EDN1: variants seen among roughly 807,000 people sequenced by gnomAD.
The protein encoded by EDN1 is endothelin-1.
Under a neutral mutation model 21.7 loss-of-function variants are expected in EDN1, and 11 were observed. The ratio of observed to expected loss-of-function variants is 0.51; its 90% CI spans 0.32 to 0.84. The LOEUF (loss-of-function observed/expected upper bound fraction) is 0.84, where lower values mean the gene tolerates loss of function less well. EDN1 is among the 40% of genes least tolerant of loss of function. The pLI is 0.03. For missense variants in EDN1, 244 were observed against 262.3 expected (o/e 0.93, Z 0.48); for synonymous variants, 85 against 90.6 (o/e 0.94, Z 0.35).
chr6:12,269,196 A>G, the EDN1 span, among the ~76,000 whole-genome samples: 3 of 152,114 alleles, frequency 2.0e-5, no homozygotes, highest in Admixed American at 2.0e-4. Context: ...CTGAAACTTA[A>G]ATGAATTAGT....
the EDN1 span, among the ~76,000 whole-genome samples, chr6:12,285,264 C>T: frequency 4.6e-5 from 7 of 152,150 alleles, no homozygotes; most frequent in African/African-American, 1.7e-4. Flanking sequence ...TAAAAGATAA[C>T]TGCTGCAGCA....
At chr6:12,255,934 A>G in the EDN1 span, among the ~76,000 whole-genome samples, 53 of 152,212 alleles carry the variant, frequency 3.5e-4, no homozygotes, top group Non-Finnish European at 6.8e-4. Context: ...CCAGGTTGTT[A>G]CAAGGTACAC....
At chr6:12,247,864 C>T in the EDN1 span, among the ~76,000 whole-genome samples, 1 of 152,022 alleles carries the variant, frequency 6.6e-6, no homozygotes, top group African/African-American at 2.4e-5. Flanking sequence ...TATTTACATC[C>T]TTCTTATAGA....
the EDN1 span, among the ~76,000 whole-genome samples, chr6:12,232,226 AT>A: frequency 2.0e-5 from 3 of 147,666 alleles, no homozygotes; most frequent in Admixed American, 6.8e-5. Context: ...ATATGTTATA[AT>A]TTTATATAAT....
chr6:12,287,264 C>A (rs79307642), upstream of EDN1, among the ~76,000 whole-genome samples: 14 of 146,868 alleles, frequency 9.5e-5, no homozygotes, highest in African/African-American at 3.3e-4. Flanking sequence ...GGAGCATTTT[C>A]CCCCTGCAGT....
upstream of EDN1, among the ~76,000 whole-genome samples, chr6:12,289,900 C>T (rs1762629700): frequency 6.6e-6 from 1 of 152,160 alleles, no homozygotes; most frequent in Admixed American, 6.5e-5. Context: ...CCTTGTTTGA[C>T]TGAGACTAGA....
At chr6:12,235,320 C>T in the EDN1 span, among the ~76,000 whole-genome samples, 1 of 152,196 alleles carries the variant, frequency 6.6e-6, no homozygotes, top group Non-Finnish European at 1.5e-5. Flanking sequence ...TCCACTGAAT[C>T]TGCTGCTAAT....
the EDN1 span, among the ~76,000 whole-genome samples, chr6:12,262,031 T>A: frequency 1.3e-5 from 2 of 151,422 alleles, no homozygotes; most frequent in African/African-American, 4.9e-5. Context: ...GCATTTCAAA[T>A]GAAACTTCGG....
chr6:12,277,959 C>T, the EDN1 span, among the ~76,000 whole-genome samples: 2 of 152,048 alleles, frequency 1.3e-5, no homozygotes, highest in Non-Finnish European at 2.9e-5. Flanking sequence ...TTTTTGGACT[C>T]GATAATCTGG....
At chr6:12,262,786 C>T in the EDN1 span, among the ~76,000 whole-genome samples, 1 of 150,908 alleles carries the variant, frequency 6.6e-6, no homozygotes, top group Admixed American at 6.6e-5. Flanking sequence ...GCAAGAGAAT[C>T]GCTTAAACCT....
rs114899183 is a variant in EDN1, at chr6:12,294,741, C to G, written c.533+337C>G. On this transcript the variant is annotated intron_variant, in intron 4 of 4. Transcript: ENST00000379375. ...TTGCCTCTCTGAGTCAATGTATTTA[C>G]CACTTTCCCTGAGAAATCGAAAATC... 3.8e-3 allele frequency among the ~76,000 whole-genome samples: 582 copies of G among 152,182 alleles called. 3 individuals carry two copies. The highest frequency in any genetic ancestry group is 0.012 in the African/African-American group (480 of 41,514).
the EDN1 span, among the ~76,000 whole-genome samples, chr6:12,282,060 A>T: frequency 6.6e-6 from 1 of 152,196 alleles, no homozygotes; most frequent in African/African-American, 2.4e-5. Context: ...ATAGGAAAAA[A>T]TGCTAACCAG....
chr6:12,276,781 T>A, the EDN1 span, among the ~76,000 whole-genome samples: 1 of 152,194 alleles, frequency 6.6e-6, no homozygotes, highest in Admixed American at 6.5e-5. Flanking sequence ...AGGCTCCTGC[T>A]CAAACACCAA....
the EDN1 span, among the ~76,000 whole-genome samples, chr6:12,260,271 G>A: frequency 6.6e-6 from 1 of 152,110 alleles, no homozygotes; most frequent in East Asian, 1.9e-4. Context: ...AATTGGTGAA[G>A]ACTTCAAATA....
chr6:12,243,110 A>G, the EDN1 span, among the ~76,000 whole-genome samples: 4 of 152,232 alleles, frequency 2.6e-5, no homozygotes, highest in African/African-American at 7.2e-5. Flanking sequence ...TAAACAGCCA[A>G]TTAACACCCA....
upstream of EDN1, among the ~76,000 whole-genome samples, chr6:12,287,773 C>CGA (rs1762586666): frequency 2.0e-5 from 3 of 151,224 alleles, no homozygotes; most frequent in African/African-American, 4.9e-5. Flanking sequence ...CGCGCGCGCG[C>CGA]AGGCACACGT....
chr6:12,253,058 A>G, the EDN1 span, among the ~76,000 whole-genome samples: 4 of 152,308 alleles, frequency 2.6e-5, no homozygotes, highest in East Asian at 7.7e-4. Context: ...ACTATAATCT[A>G]TGTTTATTCT....
chr6:12,253,075 C>G, the EDN1 span, among the ~76,000 whole-genome samples: 1 of 152,042 alleles, frequency 6.6e-6, no homozygotes, highest in South Asian at 2.1e-4. Flanking sequence ...TTCTTTGTGG[C>G]GAGGACCATA....
At chr6:12,278,179 A>G in the EDN1 span, among the ~76,000 whole-genome samples, 7 of 152,236 alleles carry the variant, frequency 4.6e-5, no homozygotes, top group Admixed American at 1.3e-4. Flanking sequence ...AGAAGCAGAA[A>G]ACCCCAATTA....
Sources: gnomAD v4.1 joint callset for allele counts (sites outside exome capture counted in the v4.1 genomes callset) on GRCh38, gnomAD v4.1.1 for gene constraint, MANE v1.5 for transcripts, NCBI Gene and HGNC (gene_info 2026-07-23, HGNC 2026-07-21) for gene names.